CPNE8: variants seen among roughly 807,000 people sequenced by gnomAD.
CPNE8 encodes copine-8.
Under a neutral mutation model 81.5 loss-of-function variants are expected in CPNE8, and 45 were observed. That is an observed-to-expected ratio of 0.55 (90% CI 0.44 to 0.71). CPNE8 has a LOEUF of 0.71. Among genes scored for constraint, CPNE8 ranks in the 30% least tolerant of loss-of-function variants. CPNE8 has a pLI of 0.00. For synonymous variants in CPNE8, 252 were observed against 226.3 expected (o/e 1.11, Z -1.02); for missense variants, 594 against 672.1 (o/e 0.88, Z 1.28).
intron 16 of CPNE8, among the ~76,000 whole-genome samples, 167 bp from the exon 17 acceptor site, chr12:38,677,721 A>C (rs566363614): frequency 7.9e-5 from 12 of 152,032 alleles, no homozygotes; most frequent in Non-Finnish European, 1.6e-4. Flanking sequence ...CTGAAATAAC[A>C]CACTAGAACA....
chr12:38,670,188 C>T (rs976126052), intron 19 of CPNE8, among the ~76,000 whole-genome samples: 2 of 152,086 alleles, frequency 1.3e-5, no homozygotes, highest in Non-Finnish European at 2.9e-5. Context: ...TCATTGTTTG[C>T]TCCCTTAAAA....
upstream of CPNE8, chr12:38,906,582 G>C: frequency 1.0e-6 from 1 of 985,600 alleles, no homozygotes; most frequent in South Asian, 4.7e-5. Flanking sequence ...CAAGAACTGA[G>C]ACCTGACGGA....
At chr12:38,793,899 C>T (rs1489905352) in intron 6 of CPNE8, among the ~76,000 whole-genome samples, 1 of 151,910 alleles carries the variant, frequency 6.6e-6, no homozygotes, top group Non-Finnish European at 1.5e-5. Flanking sequence ...TAATACAGAG[C>T]TCAGAAATAC....
intron 19 of CPNE8, among the ~76,000 whole-genome samples, chr12:38,662,411 CA>C (rs771904811): frequency 2.6e-5 from 4 of 151,506 alleles, no homozygotes; most frequent in East Asian, 1.9e-4. Flanking sequence ...TTATAATAGC[CA>C]AAAAAACTAG....
chr12:38,830,314 T>C (rs570271601), intron 5 of CPNE8, among the ~76,000 whole-genome samples: 1 of 152,268 alleles, frequency 6.6e-6, no homozygotes, highest in South Asian at 2.1e-4. Context: ...TAATTTAATT[T>C]AAAAAATAGA....
chr12:38,873,113 T>C (rs1396555145), intron 2 of CPNE8, 63 bp from the exon 3 acceptor site: 1 of 993,778 alleles, frequency 1.0e-6, no homozygotes, highest in African/African-American at 1.7e-5. Flanking sequence ...TGTGAATGTA[T>C]ACAATTTATT....
chr12:38,776,421 G>A (rs1941937783), intron 6 of CPNE8, 120 bp from the exon 7 acceptor site: 1 of 272,456 alleles, frequency 3.7e-6, no homozygotes, highest in South Asian at 1.4e-4. Context: ...TAATAACATG[G>A]TTCTTCCCTA....
At chr12:38,769,388 A>G (rs1363876936) in intron 7 of CPNE8, among the ~76,000 whole-genome samples, 1 of 152,128 alleles carries the variant, frequency 6.6e-6, no homozygotes, top group East Asian at 1.9e-4. Flanking sequence ...TTTAAATTAG[A>G]GGTTTAAAGA....
At chr12:38,790,759 A>C (rs1942303737) in intron 6 of CPNE8, among the ~76,000 whole-genome samples, 1 of 151,694 alleles carries the variant, frequency 6.6e-6, no homozygotes, top group East Asian at 1.9e-4. Context: ...AAAGATTTAA[A>C]AACAACAACA....
chr12:38,770,641 A>T (rs1045057666), intron 7 of CPNE8, among the ~76,000 whole-genome samples: 4 of 152,198 alleles, frequency 2.6e-5, no homozygotes, highest in Admixed American at 6.5e-5. Context: ...GGTTCTGACC[A>T]GCCTTTTCCA....
At chr12:38,689,886 A>C (rs1232143930) in intron 15 of CPNE8, among the ~76,000 whole-genome samples, 1 of 152,234 alleles carries the variant, frequency 6.6e-6, no homozygotes, top group Non-Finnish European at 1.5e-5. Context: ...AGAGGAGAGC[A>C]ATGACTCATT....
chr12:38,816,094 G>A (rs1432987994), intron 6 of CPNE8, among the ~76,000 whole-genome samples: 2 of 152,090 alleles, frequency 1.3e-5, no homozygotes, highest in Non-Finnish European at 2.9e-5. Context: ...ATGTGGTAAG[G>A]TACACATGTA....
chr12:38,887,769 G>A lies in CPNE8; in HGVS notation c.99-13258C>T, dbSNP rs17126747. 1.4e-3 allele frequency among the ~76,000 whole-genome samples: 220 copies of A among 152,236 alleles called. 1 individual carries two copies. The highest frequency in any genetic ancestry group is 5.0e-3 in the African/African-American group (207 of 41,558). On this transcript the variant is annotated intron_variant, in intron 1 of 19. Coordinates refer to ENST00000331366, the MANE Select transcript of CPNE8 (RefSeq NM_153634.3). ...TCTCAGAGTAAAGTATGGAGTTGCC[G>A]TTTAAATCCAGATCTTTCTGGCTCT...
intron 1 of CPNE8, among the ~76,000 whole-genome samples, chr12:38,903,895 T>G (rs1178876920): frequency 1.3e-5 from 2 of 152,158 alleles, no homozygotes; most frequent in Admixed American, 1.3e-4. Context: ...ATAGCTATCA[T>G]TATCAGCATG....
intron 5 of CPNE8, among the ~76,000 whole-genome samples, chr12:38,838,073 A>C (rs373962180): frequency 1.3e-4 from 20 of 152,202 alleles, no homozygotes; most frequent in South Asian, 4.1e-4. Context: ...ACTTAAGGCA[A>C]CTCCACTGAT....
At chr12:38,735,393 A>G (rs1368960479) in intron 10 of CPNE8, among the ~76,000 whole-genome samples, 1 of 152,062 alleles carries the variant, frequency 6.6e-6, no homozygotes, top group Admixed American at 6.6e-5. Flanking sequence ...AGTTTTTCAG[A>G]GGTGACTGGA....
intron 1 of CPNE8, among the ~76,000 whole-genome samples, chr12:38,888,880 C>T (rs1226234491): frequency 6.6e-6 from 1 of 152,166 alleles, no homozygotes; most frequent in Non-Finnish European, 1.5e-5. Context: ...CTCTTTCTGG[C>T]CTTCAGGCCT....
At chr12:38,794,138 C>A (rs930176930) in intron 6 of CPNE8, among the ~76,000 whole-genome samples, 1 of 152,012 alleles carries the variant, frequency 6.6e-6, no homozygotes, top group African/African-American at 2.4e-5. Context: ...TTGGTCTTGA[C>A]AATGATTTCT....
At chr12:38,687,081 T>A (rs531463779) in intron 15 of CPNE8, among the ~76,000 whole-genome samples, 71 of 152,346 alleles carry the variant, frequency 4.7e-4, no homozygotes, top group African/African-American at 1.5e-3. Context: ...TTAGCATACA[T>A]GTTTTTACTT....
Sources: gnomAD v4.1 joint callset for allele counts (sites outside exome capture counted in the v4.1 genomes callset) on GRCh38, gnomAD v4.1.1 for gene constraint, MANE v1.5 for transcripts, NCBI Gene and HGNC (gene_info 2026-07-23, HGNC 2026-07-21) for gene names.